JCAD: variants seen among roughly 807,000 people sequenced by gnomAD.
JCAD encodes junctional cadherin 5-associated protein.
In JCAD, 40 loss-of-function variants were observed where a neutral mutation model predicts 98.0. The ratio of observed to expected loss-of-function variants is 0.41; its 90% CI spans 0.32 to 0.53. The LOEUF (loss-of-function observed/expected upper bound fraction) is 0.53. Ranked by LOEUF, JCAD falls within the 20% of genes least tolerant of loss-of-function variation. The probability of loss-of-function intolerance (pLI) is 0.31; values close to 1 mark genes in which losing one functional copy is unlikely to be tolerated. For missense variants in JCAD, 1,705 were observed against 1,738.1 expected (o/e 0.98, Z 0.34); for synonymous variants, 691 against 682.3 (o/e 1.01, Z -0.20).
At chr10:30,037,098 G>A (rs1336377167) in intron 2 of JCAD, among the ~76,000 whole-genome samples, 1 of 152,216 alleles carries the variant, frequency 6.6e-6, no homozygotes, top group African/African-American at 2.4e-5. Context: ...AAGGGGCTTT[G>A]GGCATCTCTT....
At chr10:30,081,580 C>T (rs1467650980) in intron 1 of JCAD, among the ~76,000 whole-genome samples, 34 of 152,126 alleles carry the variant, frequency 2.2e-4, no homozygotes, top group Admixed American at 2.2e-3. Flanking sequence ...TACAGGCACA[C>T]GCCACCATGC....
At chr10:30,073,685 C>CCTTCCTTCCTTCCTTG (rs1837934368) in intron 1 of JCAD, among the ~76,000 whole-genome samples, 10 of 34,662 alleles carry the variant, frequency 2.9e-4, no homozygotes, top group African/African-American at 6.2e-4. Flanking sequence ...TTCCTTGCTT[C>CCTTCCTTCCTTCCTTG]CTTCCTTCCT....
chr10:30,055,902 CTTT>C (rs200743660), intron 1 of JCAD, among the ~76,000 whole-genome samples: 182 of 152,114 alleles, frequency 1.2e-3, no homozygotes, highest in African/African-American at 4.1e-3. Flanking sequence ...TCTGACTCCT[CTTT>C]TTTTTCTTTC....
chr10:30,071,432 A>G (rs1276084014), intron 1 of JCAD, among the ~76,000 whole-genome samples: 1 of 152,228 alleles, frequency 6.6e-6, no homozygotes, highest in East Asian at 1.9e-4. Context: ...TGTTGGAGCC[A>G]TTGCAGGATG....
intron 2 of JCAD, among the ~76,000 whole-genome samples, chr10:30,035,606 T>C (rs751130620): frequency 6.6e-6 from 1 of 152,270 alleles, no homozygotes; most frequent in Non-Finnish European, 1.5e-5. Context: ...TGTGTACTGC[T>C]GCATAGGGTT....
At chr10:30,035,996 A>C (rs1283359727) in intron 2 of JCAD, among the ~76,000 whole-genome samples, 1 of 152,238 alleles carries the variant, frequency 6.6e-6, no homozygotes, top group Non-Finnish European at 1.5e-5. Context: ...TGTGAAAAAC[A>C]ATATGTTTAA....
At chr10:30,044,905 T>A (rs1046623833) in intron 2 of JCAD, 14 of 461,294 alleles carry the variant, frequency 3.0e-5, no homozygotes, top group African/African-American at 3.0e-4. Context: ...GGCAGGGATG[T>A]CTGCAAACAT....
At position 30,026,864 on chromosome 10, in the gene JCAD, G is replaced by T; in HGVS notation, c.3284C>A (p.Ala1095Glu). The T allele has an allele frequency of 2.5e-6, 4 of 1,613,892 alleles. No individual in the cohort carries two copies. Among genetic ancestry groups the T allele is most frequent in the Non-Finnish European group, 3.4e-6 (4 of 1,179,976 alleles). ...RAARILGIEV[A>E]VESLLPGIRR... ...GATGCCCGGCAGGAGGGACTCCACC[G>T]CCACCTCAATGCCCAGGATCCTTGC... is the stretch of plus-strand genomic sequence containing the variant. The change falls in exon 3 of 4, where the codon GCG becomes GAG. Residue 1095 changes from alanine to glutamate, a missense_variant. This residue lies in a region of JCAD where 1,278 missense variants were observed against 1,243.1 expected (regional missense o/e 1.03). Coordinates refer to ENST00000375377, the MANE Select transcript of JCAD (RefSeq NM_020848.4).
At chr10:30,031,120 A>T (rs772512913) in intron 2 of JCAD, among the ~76,000 whole-genome samples, 1 of 151,894 alleles carries the variant, frequency 6.6e-6, no homozygotes, top group Admixed American at 6.6e-5. Flanking sequence ...ATTTGTATTT[A>T]TATTTTTATT....
At chr10:30,039,987 A>G (rs1837208746) in intron 2 of JCAD, among the ~76,000 whole-genome samples, 3 of 152,344 alleles carry the variant, frequency 2.0e-5, no homozygotes, top group Non-Finnish European at 1.5e-5. Context: ...TTCATTTGGT[A>G]TTAACTCAAT....
At chr10:30,022,384 C>T (rs1471925844) in intron 3 of JCAD, among the ~76,000 whole-genome samples, 3 of 148,840 alleles carry the variant, frequency 2.0e-5, no homozygotes, top group Non-Finnish European at 4.5e-5. Context: ...GTCATGGGGG[C>T]AGCAGTGCAG....
chr10:30,029,148 C>T lies in JCAD; in HGVS notation c.1000G>A (p.Gly334Arg). 2.5e-6 allele frequency: 4 copies of T among 1,614,156 alleles called. No homozygotes were observed. Among genetic ancestry groups the T allele is most frequent in the Non-Finnish European group, 3.4e-6 (4 of 1,180,026 alleles). Reference protein sequence around the residue: ...PRHELCLSDPGLEPPVYVPPP... With the variant: ...PRHELCLSDPRLEPPVYVPPP... The stretch of plus-strand genomic sequence containing the variant: ...GGCACGTACACTGGAGGTTCCAATC[C>T]AGGGTCTGACAGGCAGAGCTCATGC... The change falls in exon 3 of 4, where the codon GGA becomes AGA. Residue 334 changes from glycine (G) to arginine (R), a missense_variant. Coordinates refer to ENST00000375377, the MANE Select transcript of JCAD (RefSeq NM_020848.4).
rs369348593 is a variant in JCAD, at chr10:30,078,553, G to A, written n.129-8732C>T. ...GGCTGGACAAAAGCGGCCATTGTGG[G>A]GCTCACTGCTTTTGAGGACAACGAT... On this transcript the variant is annotated intron_variant and non_coding_transcript_variant, in intron 1 of 2. Transcript: ENST00000465712. 1.6e-4 allele frequency among the ~76,000 whole-genome samples: 24 copies of A among 152,240 alleles called. 1 individual carries two copies. Among genetic ancestry groups the A allele is most frequent in the African/African-American group, 5.3e-4 (22 of 41,538 alleles).
intron 1 of JCAD, among the ~76,000 whole-genome samples, chr10:30,102,927 A>G (rs991126781): frequency 6.6e-6 from 1 of 152,138 alleles, no homozygotes; most frequent in African/African-American, 2.4e-5. Flanking sequence ...ATCAGACCTC[A>G]TGAGACTTAT....
At chr10:30,057,139 C>T (rs1837587191) in intron 1 of JCAD, among the ~76,000 whole-genome samples, 1 of 152,116 alleles carries the variant, frequency 6.6e-6, no homozygotes, top group African/African-American at 2.4e-5. Context: ...ACAATTGTTT[C>T]ACTCCAACGC....
intron 1 of JCAD, among the ~76,000 whole-genome samples, chr10:30,095,778 G>A (rs968408016): frequency 5.3e-5 from 8 of 152,286 alleles, no homozygotes; most frequent in African/African-American, 1.7e-4. Flanking sequence ...GAGTTCCCCA[G>A]AGGGGAAGCC....
At chr10:30,033,757 G>A (rs1837050901) in intron 2 of JCAD, among the ~76,000 whole-genome samples, 1 of 152,216 alleles carries the variant, frequency 6.6e-6, no homozygotes, top group Non-Finnish European at 1.5e-5. Flanking sequence ...TGCAGCAACA[G>A]TGCGTGAAGC....
chr10:30,029,051 A>T lies in JCAD; in HGVS notation c.1097T>A (p.Val366Glu), dbSNP rs200969280. 6.9e-5 allele frequency: 112 copies of T among 1,613,850 alleles called. No homozygotes were observed. In the African/African-American group the frequency reaches 1.4e-3, roughly 20 times the overall value. Residue 366 changes from valine (V) to glutamate (E), a missense_variant, in exon 3 of 4, where the codon GTG becomes GAG. By Grantham distance (121) the Val-to-Glu change is moderately radical. This residue lies in a region of JCAD where 275 missense variants were observed against 346.9 expected (regional missense o/e 0.79). Transcript: ENST00000375377. ...CTGCTGTTGACTGTGACCGCCACACACATTTATGGGCACCGTGTCTTCCAA... is the reference window on the plus strand; with the variant it reads ...CTGCTGTTGACTGTGACCGCCACACTCATTTATGGGCACCGTGTCTTCCAA... ...PYLEDTVPIN[V>E]CGGHSQQQSP...
chr10:30,084,240 A>T (rs1288866737), intron 1 of JCAD, among the ~76,000 whole-genome samples: 7 of 152,080 alleles, frequency 4.6e-5, no homozygotes, highest in Non-Finnish European at 7.4e-5. Flanking sequence ...AGAAAGGAAA[A>T]TATGCAAATA....
Sources: allele counts gnomAD v4.1 joint callset (sites outside exome capture counted in the v4.1 genomes callset), GRCh38; gene constraint gnomAD v4.1.1; regional missense constraint gnomAD v4.1.1; transcripts MANE v1.5; gene names NCBI Gene and HGNC (gene_info 2026-07-23, HGNC 2026-07-21).